RBCK1: variants seen among roughly 807,000 people sequenced by gnomAD.
RBCK1 encodes the protein RANBP2-type and C3HC4-type zinc finger containing 1.
A neutral mutation model predicts 71.1 loss-of-function variants in RBCK1; 44 were observed. The observed-to-expected ratio is 0.62, with a 90% CI of 0.49 to 0.80. RBCK1 has a LOEUF of 0.80. RBCK1 is among the 30% of genes least tolerant of loss of function. RBCK1 has a pLI of 0.00. For synonymous variants in RBCK1, 306 were observed against 279.7 expected (o/e 1.09, Z -0.94); for missense variants, 569 against 685.0 (o/e 0.83, Z 1.89).
chr20:429,134 G>A, intron 11 of RBCK1, 40 bp downstream of exon 11: 1 of 1,581,702 alleles, frequency 6.3e-7, no homozygotes, highest in Non-Finnish European at 8.6e-7. Context: ...GGGTGCCCTT[G>A]TGGGCTTTGC....
At chr20:420,421 C>T (rs1207033491) in intron 6 of RBCK1, 2 of 984,684 alleles carry the variant, frequency 2.0e-6, no homozygotes, top group Non-Finnish European at 1.2e-6. Flanking sequence ...CTCCTGTTCC[C>T]GTCTCAGCTC....
chr20:416,381 C>T (rs187050442), intron 2 of RBCK1, among the ~76,000 whole-genome samples: 31 of 151,938 alleles, frequency 2.0e-4, no homozygotes, highest in East Asian at 1.6e-3. Flanking sequence ...AGGATGGTCT[C>T]GATCTCCTGA....
chr20:418,569 C>T lies in RBCK1; in HGVS notation c.460+639C>T, dbSNP rs901005768. ...ATTTTTAGTAGAGACGGGGTTTCAC[C>T]GTGTTAGCCAGGATGGTCTCGATCT... On this transcript the variant is annotated intron_variant, in intron 4 of 11. Transcript: ENST00000356286. Among the ~76,000 whole-genome samples, 298 of 152,198 alleles carry T rather than the reference C, an allele frequency of 2.0e-3. 1 individual carries two copies. Among genetic ancestry groups the T allele is most frequent in the African/African-American group, 5.1e-3 (213 of 41,540 alleles).
intron 2 of RBCK1, among the ~76,000 whole-genome samples, chr20:414,744 G>C (rs2015894366): frequency 6.6e-6 from 1 of 152,200 alleles, no homozygotes; most frequent in Admixed American, 6.5e-5. Context: ...AACTAGTGCA[G>C]TTGAAACCAT....
intron 7 of RBCK1, among the ~76,000 whole-genome samples, chr20:421,269 G>A (rs1450900862): frequency 6.6e-6 from 1 of 152,196 alleles, no homozygotes; most frequent in Admixed American, 6.5e-5. Flanking sequence ...CGCAGGCGTG[G>A]GGGGAGACTC....
rs749891698 is a variant in RBCK1, at chr20:429,088, C to T, written c.1446C>T (p.Gly482=). Residue 482 remains glycine, a synonymous_variant, in exon 11 of 12, where the codon GGC becomes GGT. Coordinates refer to ENST00000356286, the MANE Select transcript of RBCK1 (RefSeq NM_031229.4). ...GGGTCACCAAGGGCCCACGCTGGGG[C>T]CCTGGGGTGAGTCTTTGCTCGTGGT... ...ICWVTKGPRW[G]PGGPGDTSGG... The T allele has an allele frequency of 8.7e-6, 14 of 1,611,470 alleles. No individual in the cohort carries two copies. The highest frequency in any genetic ancestry group is 1.7e-5 in the Admixed American group (1 of 59,848).
Position 417,314 on chromosome 20 carries a change from AG to A in RBCK1, c.168-211del. On this transcript the variant is annotated intron_variant, in intron 2 of 11. Transcript: ENST00000356286. This position sits in a 1 kb window ranked among gnomAD's most constrained non-coding sequence, Gnocchi z 4.7. ...GCTGCCACGAGTTGATTCTAAGAGT[AG>A]CGTGGAGCCATTGGAGGGGCCTAAC... is the stretch of plus-strand genomic sequence containing the variant. The A allele has an allele frequency of 1.4e-6, 1 of 717,812 alleles. No individual in the cohort carries two copies. Among genetic ancestry groups the A allele is most frequent in the Non-Finnish European group, 2.6e-6 (1 of 381,704 alleles). The allele number at this position is 717,812 out of a possible 1,614,324, so 44.5% of individuals were successfully genotyped here.
chr20:422,325 TTC>T lies in RBCK1; in HGVS notation c.1029+89_1029+90del. 8.7e-7 allele frequency: 1 copy of T among 1,154,314 alleles called. No homozygotes were observed. Among genetic ancestry groups the T allele is most frequent in the Admixed American group, 2.0e-5 (1 of 49,138 alleles). 71.5% of individuals were successfully genotyped at this position (1,154,314 alleles called of 1,614,324 possible). On this transcript the variant is annotated intron_variant, in intron 8 of 11. Transcript: ENST00000356286. The surrounding 1 kb of genome is among the most constrained non-coding windows in gnomAD (Gnocchi z 5.0). ...CAGGCAGCAGACATCTTTCTTTTCT[TTC>T]TTTTTTTTTTTTGGAGATGGGGTCT...
chr20:429,118 T>TG (rs2016887812), intron 11 of RBCK1, 24 bp downstream of exon 11: 1 of 1,597,358 alleles, frequency 6.3e-7, no homozygotes, highest in Admixed American at 1.7e-5. Flanking sequence ...CGTGGTGGTG[T>TG]GGAGAGGGTG....
At chr20:416,138 A>T (rs1190372199) in intron 2 of RBCK1, among the ~76,000 whole-genome samples, 1 of 151,054 alleles carries the variant, frequency 6.6e-6, no homozygotes, top group Non-Finnish European at 1.5e-5. Flanking sequence ...ATAAAGTTTC[A>T]ATTAGTCAGC....
In RBCK1 at chr20:428,434, C is replaced by G; in HGVS notation, c.1210-57C>G. ...GACTCCTGCCCTGCACCTCACCTCT[C>G]CCAGCTTCTTAACCCCCTGAGGAAC... On this transcript the variant is annotated intron_variant, in intron 9 of 11. Transcript: ENST00000356286. The surrounding 1 kb of genome is among the most constrained non-coding windows in gnomAD (Gnocchi z 5.7). 1 of 1,342,152 alleles carries G rather than the reference C, an allele frequency of 7.5e-7. No individual in the cohort carries two copies. The highest frequency in any genetic ancestry group is 2.5e-5 in the East Asian group (1 of 39,366). 83.1% of individuals were successfully genotyped at this position (1,342,152 alleles called of 1,614,324 possible).
rs188363862 is a variant in RBCK1 at position 418,984 on chromosome 20, T to C, written c.461-363T>C. Among the ~76,000 whole-genome samples the C allele has an allele frequency of 1.4e-3, 215 of 152,098 alleles. No homozygotes were observed. The Middle Eastern group carries it at 0.024, about 17-fold the overall frequency. ...CTTTCAAAGAGTCCAGGCCAGTTTC[T>C]TTTTTTTGGCGGGGGTTGGGGGCTG... On this transcript the variant is annotated intron_variant, in intron 4 of 11. Transcript: ENST00000356286.
chr20:421,151 G>A (rs2016410548), intron 7 of RBCK1, 120 bp downstream of exon 7: 3 of 1,262,016 alleles, frequency 2.4e-6, no homozygotes, highest in East Asian at 2.7e-5. Context: ...GAAAACCTAC[G>A]AGGTAGGCTC....
intron 8 of RBCK1, among the ~76,000 whole-genome samples, chr20:423,583 G>C (rs1167707446): frequency 6.6e-6 from 1 of 152,120 alleles, no homozygotes; most frequent in Non-Finnish European, 1.5e-5. Context: ...TGTTATATTA[G>C]GTATTATAAA....
chr20:413,702 T>G (rs947437416), intron 2 of RBCK1, among the ~76,000 whole-genome samples: 8 of 152,072 alleles, frequency 5.3e-5, no homozygotes, highest in Admixed American at 4.6e-4. Context: ...AGAACCTGAG[T>G]TTTGAGAGGC....
rs2016880952 is a variant in RBCK1, at chr20:429,014, G to A, written c.1372G>A (p.Asp458Asn). Residue 458 changes from aspartate to asparagine, a missense_variant, in exon 11 of 12, where the codon GAC becomes AAC. Asp to Asn is a conservative substitution (Grantham distance 23). This residue lies in a region of RBCK1 where 211 missense variants were observed against 309.4 expected (regional missense o/e 0.68). Transcript: ENST00000356286. ...GTGCCAGATCGTGGTACAGAAGAAG[G>A]ACGGCTGCGACTGGATCCGCTGCAC... ...PQCQIVVQKK[D>N]GCDWIRCTVC... is the part of the protein sequence containing the mutation. 6.2e-7 allele frequency: 1 copy of A among 1,612,244 alleles called. No homozygotes were observed.
rs2016517036 is a variant in RBCK1 at position 422,819 on chromosome 20, G to C, written c.1029+581G>C. On this transcript the variant is annotated intron_variant, in intron 8 of 11. Transcript: ENST00000356286. This position sits in a 1 kb window ranked among gnomAD's most constrained non-coding sequence, Gnocchi z 5.0. The stretch of plus-strand genomic sequence containing the variant: ...TGCACTCCAGCCTGGGCAACAGAGT[G>C]AGACCTTGCCTCAAAAAAAGAAAAA... 6.7e-6 allele frequency among the ~76,000 whole-genome samples: 1 copy of C among 150,354 alleles called. No homozygotes were observed.
chr20:431,550 G>A lies in RBCK1; in HGVS notation c.*1120G>A, dbSNP rs900287612. 1.3e-5 allele frequency among the ~76,000 whole-genome samples: 2 copies of A among 152,090 alleles called. No individual in the cohort carries two copies. The highest frequency in any genetic ancestry group is 2.9e-5 in the Non-Finnish European group (2 of 68,028). Reference sequence around the variant, plus strand: ...ATTTGATGCCCAACACATTGTCCACGCTGTGACGTGACCATCATCATAGCA... The same window carrying A: ...ATTTGATGCCCAACACATTGTCCACACTGTGACGTGACCATCATCATAGCA... On this transcript the variant is annotated 3_prime_UTR_variant, in exon 12 of 12. Coordinates refer to ENST00000356286, the MANE Select transcript of RBCK1 (RefSeq NM_031229.4). The surrounding 1 kb of genome is among the most constrained non-coding windows in gnomAD (Gnocchi z 4.8).
chr20:419,736 G>A lies in RBCK1; in HGVS notation c.756+5G>A. 1.3e-6 allele frequency: 2 copies of A among 1,551,284 alleles called. No homozygotes were observed. The highest frequency in any genetic ancestry group is 2.4e-5 in the East Asian group (1 of 41,742). On this transcript the variant is annotated splice_donor_5th_base_variant and intron_variant, in intron 6 of 11. Coordinates refer to ENST00000356286, the MANE Select transcript of RBCK1 (RefSeq NM_031229.4). ...GCGCTGCGTCAGTACCAGCAGGTGG[G>A]CGGGAAAGTCCCTGGACAGACACCT...
Sources: allele counts gnomAD v4.1 joint callset (sites outside exome capture counted in the v4.1 genomes callset), GRCh38; gene constraint gnomAD v4.1.1; regional missense constraint gnomAD v4.1.1; non-coding constraint Gnocchi (gnomAD v3.1); transcripts MANE v1.5; gene names NCBI Gene and HGNC (gene_info 2026-07-23, HGNC 2026-07-21).